The following IRAG1 variants were observed in gnomAD, a reference collection of about 807,000 sequenced individuals.
The protein encoded by IRAG1 is IP3R-associated cGMP kinase substrate.
In IRAG1, 62 loss-of-function variants were observed where a neutral mutation model predicts 106.2. The observed-to-expected ratio is 0.58, with a 90% CI of 0.48 to 0.72. The LOEUF is 0.72. Ranked by LOEUF, IRAG1 falls within the 30% of genes least tolerant of loss-of-function variation. The probability of loss-of-function intolerance (pLI) is 0.00; values close to 1 mark genes in which losing one functional copy is unlikely to be tolerated. For missense variants in IRAG1, 1,064 were observed against 1,140.7 expected, an observed-to-expected ratio of 0.93 and a Z score of 0.97; for synonymous variants, 462 against 443.9, an observed-to-expected ratio of 1.04 and a Z score of -0.51.
At chr11:10,692,954 G>A (rs528203225) in intron 1 of IRAG1, among the ~76,000 whole-genome samples, 1 of 152,228 alleles carries the variant, frequency 6.6e-6, no homozygotes, top group Non-Finnish European at 1.5e-5. Context: ...CCTCTAGGGA[G>A]CAGGGAAGGG....
chr11:10,669,071 T>C (rs1204192829), intron 1 of IRAG1, among the ~76,000 whole-genome samples: 1 of 152,222 alleles, frequency 6.6e-6, no homozygotes, highest in Non-Finnish European at 1.5e-5. Context: ...TACAAATGGA[T>C]GGTCTAATGG....
chr11:10,581,316 A>G (rs1458921818), intron 19 of IRAG1, among the ~76,000 whole-genome samples: 3 of 152,036 alleles, frequency 2.0e-5, no homozygotes, highest in Non-Finnish European at 2.9e-5. Flanking sequence ...GGCACCATAC[A>G]TGGTTGGAGG....
intron 1 of IRAG1, among the ~76,000 whole-genome samples, chr11:10,668,302 A>C (rs1288892397): frequency 6.6e-6 from 1 of 152,266 alleles, no homozygotes; most frequent in Non-Finnish European, 1.5e-5. Flanking sequence ...TTATTATGAA[A>C]AATATTCAAA....
At chr11:10,640,879 C>T (rs545161803) in intron 2 of IRAG1, among the ~76,000 whole-genome samples, 1 of 152,290 alleles carries the variant, frequency 6.6e-6, no homozygotes, top group South Asian at 2.1e-4. Context: ...GTTACCTAAT[C>T]TATAATGGAA....
chr11:10,685,426 A>G (rs913063189), intron 1 of IRAG1, among the ~76,000 whole-genome samples: 2 of 151,820 alleles, frequency 1.3e-5, no homozygotes, highest in African/African-American at 4.8e-5. Flanking sequence ...CAAAAAAAAA[A>G]AAAAAGAATT....
In IRAG1 at chr11:10,628,896, C is replaced by A; in HGVS notation, c.575-68G>T. The A allele has an allele frequency of 2.8e-6, 4 of 1,441,460 alleles. No individual in the cohort carries two copies. Among genetic ancestry groups the A allele is most frequent in the Non-Finnish European group, 3.8e-6 (4 of 1,057,282 alleles). 89.3% of individuals were successfully genotyped at this position (1,441,460 alleles called of 1,614,324 possible). A position where few individuals can be genotyped will look rare whatever the true frequency, so the allele number is the denominator to read the frequency against. ...AGGACTTCAACCTGGCAAAGGCATC[C>A]TTTTAGGTATTCCCAGGCCCTGGGA... On this transcript the variant is annotated intron_variant, in intron 5 of 20. Transcript: ENST00000423302. The surrounding 1 kb of genome is among the most constrained non-coding windows in gnomAD (Gnocchi z 4.1).
intron 18 of IRAG1, among the ~76,000 whole-genome samples, chr11:10,588,350 T>G (rs150961300): frequency 2.6e-3 from 397 of 152,264 alleles, no homozygotes; most frequent in African/African-American, 8.4e-3. Flanking sequence ...ACTTTTTTTT[T>G]TTTGTTTTTT....
At chr11:10,643,477 CA>C (rs1271998674) in intron 2 of IRAG1, among the ~76,000 whole-genome samples, 1 of 152,240 alleles carries the variant, frequency 6.6e-6, no homozygotes, top group Non-Finnish European at 1.5e-5. Flanking sequence ...CCTTGTTCAT[CA>C]CTGTTTTTAC....
At chr11:10,668,671 T>G (rs1859981597) in intron 1 of IRAG1, among the ~76,000 whole-genome samples, 1 of 152,244 alleles carries the variant, frequency 6.6e-6, no homozygotes, top group Non-Finnish European at 1.5e-5. Flanking sequence ...ATTATTTTTT[T>G]ATAGTTTCGT....
intron 14 of IRAG1, among the ~76,000 whole-genome samples, chr11:10,601,581 C>T (rs1345421998): frequency 6.6e-6 from 1 of 152,208 alleles, no homozygotes; most frequent in African/African-American, 2.4e-5. Flanking sequence ...AAAGCCCAGA[C>T]ACTGCAGGTC....
chr11:10,688,539 G>A (rs1204709204), intron 1 of IRAG1, among the ~76,000 whole-genome samples: 10 of 152,046 alleles, frequency 6.6e-5, no homozygotes, highest in Non-Finnish European at 1.2e-4. Context: ...GCCACTCTGG[G>A]AACCACATCC....
intron 18 of IRAG1, among the ~76,000 whole-genome samples, chr11:10,587,410 C>T (rs562556611): frequency 6.6e-6 from 1 of 152,228 alleles, no homozygotes; most frequent in African/African-American, 2.4e-5. Context: ...CCCAAGCTTC[C>T]TTACTCCGTG....
chr11:10,622,392 C>G (rs1340224364), intron 10 of IRAG1, among the ~76,000 whole-genome samples: 1 of 152,184 alleles, frequency 6.6e-6, no homozygotes, highest in Non-Finnish European at 1.5e-5. Flanking sequence ...GTTGGAAACA[C>G]TCATCTCTCT....
chr11:10,580,975 C>T lies in IRAG1; in HGVS notation c.2361-386G>A, dbSNP rs1489311210. On this transcript the variant is annotated intron_variant, in intron 19 of 20. Coordinates refer to ENST00000423302, the MANE Select transcript of IRAG1 (RefSeq NM_130385.4). ...AGAGGGTGACACTCATTTCACAGGGCGTTGGAATGATTTTTGCAAGTGCCA... is the reference window on the plus strand; with the variant it reads ...AGAGGGTGACACTCATTTCACAGGGTGTTGGAATGATTTTTGCAAGTGCCA... Among the ~76,000 whole-genome samples, 4 of 152,262 alleles carry T rather than the reference C, an allele frequency of 2.6e-5. No homozygotes were observed. The East Asian group carries it at 5.8e-4, about 22-fold the overall frequency.
At chr11:10,600,379 G>T (rs1229370599) in intron 15 of IRAG1, among the ~76,000 whole-genome samples, 1 of 152,182 alleles carries the variant, frequency 6.6e-6, no homozygotes, top group Non-Finnish European at 1.5e-5. Flanking sequence ...CCCTCACCTG[G>T]ACTGTTGCAA....
At chr11:10,600,459 G>T (rs1446500273) in intron 15 of IRAG1, among the ~76,000 whole-genome samples, 1 of 152,176 alleles carries the variant, frequency 6.6e-6, no homozygotes, top group Non-Finnish European at 1.5e-5. Context: ...CAGTTAAAGG[G>T]AATCTTCTTA....
chr11:10,667,047 A>G (rs1418417379), intron 1 of IRAG1, among the ~76,000 whole-genome samples: 1 of 152,132 alleles, frequency 6.6e-6, no homozygotes. Flanking sequence ...TAGTTATAAA[A>G]TGATTTTTTC....
chr11:10,591,885 C>G (rs1852714639), intron 17 of IRAG1, among the ~76,000 whole-genome samples: 1 of 152,186 alleles, frequency 6.6e-6, no homozygotes, highest in Non-Finnish European at 1.5e-5. Flanking sequence ...TCTTGAGGCT[C>G]CATTCTGGAG....
intron 2 of IRAG1, among the ~76,000 whole-genome samples, chr11:10,642,139 C>T (rs980048253): frequency 6.6e-6 from 1 of 152,230 alleles, no homozygotes; most frequent in African/African-American, 2.4e-5. Context: ...TCTCACTCCT[C>T]CATGGGCCCA....
Sources: allele counts gnomAD v4.1 joint callset (sites outside exome capture counted in the v4.1 genomes callset), GRCh38; gene constraint gnomAD v4.1.1; non-coding constraint Gnocchi (gnomAD v3.1); transcripts MANE v1.5; gene names NCBI Gene and HGNC (gene_info 2026-07-23, HGNC 2026-07-21).